MACC1: variants seen among roughly 807,000 people sequenced by gnomAD.
The protein encoded by MACC1 is MET transcriptional regulator MACC1, also known as metastasis-associated in colon cancer protein 1.
MACC1 carries 79 observed loss-of-function variants against 70.7 expected under a neutral mutation model. The observed-to-expected ratio is 1.12, with a 90% confidence interval of 0.93 to 1.35. MACC1 has a LOEUF of 1.35. MACC1 is among the 40% of genes most tolerant of loss of function. MACC1 has a pLI of 0.00. For missense variants in MACC1, 1,106 were observed against 978.1 expected (o/e 1.13, Z -1.74); for synonymous variants, 361 against 347.2 (o/e 1.04, Z -0.44).
At chr7:20,203,574 A>C (rs938855660) in intron 1 of MACC1, among the ~76,000 whole-genome samples, 1 of 152,144 alleles carries the variant, frequency 6.6e-6, no homozygotes, top group Non-Finnish European at 1.5e-5. Context: ...GCTTTCCTGG[A>C]ATGTGCAATG....
chr7:20,207,574 A>G (rs779419928), intron 1 of MACC1, among the ~76,000 whole-genome samples: 1 of 152,236 alleles, frequency 6.6e-6, no homozygotes, highest in Admixed American at 6.5e-5. Flanking sequence ...GATATGTCCT[A>G]GGATTTTTGA....
intron 1 of MACC1, among the ~76,000 whole-genome samples, chr7:20,184,533 GA>G (rs1236832735): frequency 6.6e-6 from 1 of 152,118 alleles, no homozygotes; most frequent in African/African-American, 2.4e-5. Flanking sequence ...AAGCAGCAAA[GA>G]ATTGTTATAA....
chr7:20,157,577 A>G (rs1782072868), intron 5 of MACC1, among the ~76,000 whole-genome samples: 1 of 151,182 alleles, frequency 6.6e-6, no homozygotes, highest in Non-Finnish European at 1.5e-5. Flanking sequence ...TGAGGCCAGG[A>G]GTTCAAGAGC....
At chr7:20,175,431 T>TA (rs1782376089) in intron 1 of MACC1, among the ~76,000 whole-genome samples, 2 of 152,178 alleles carry the variant, frequency 1.3e-5, no homozygotes, top group South Asian at 4.1e-4. Context: ...AAGGCAGATT[T>TA]AAAAAATTGA....
At position 20,211,086 on chromosome 7, in the gene MACC1, T is replaced by G. The variant is rs568327794; in HGVS notation, c.-218+6213A>C. ...GTCTAGAGTCTAAACTTTTAAAAGT[T>G]AAGGACTGTAATAATTTGATGTCTC... On this transcript the variant is annotated intron_variant, in intron 1 of 6. Coordinates refer to ENST00000400331, the MANE Select transcript of MACC1 (RefSeq NM_182762.4). Among the ~76,000 whole-genome samples the G allele has an allele frequency of 3.3e-5, 5 of 152,268 alleles. No individual in the cohort carries two copies. In the South Asian group the frequency reaches 1.0e-3, roughly 32 times the overall value.
Position 20,141,027 on chromosome 7 carries a change from T to C in MACC1, c.2478A>G (p.Arg826=). 6.2e-7 allele frequency: 1 copy of C among 1,614,134 alleles called. No homozygotes were observed. The part of the protein sequence containing the change: ...RMKNPVTKHW[R]ELTGVLILVN... ...CTAGTATTAAAACTCCAGTTAATTC[T>C]CTCCAGTGTTTAGTCACAGGGTTTT... The change falls in exon 7 of 7, where the codon AGA becomes AGG. Residue 826 remains arginine (R), a synonymous_variant. Transcript: ENST00000400331.
At chr7:20,206,680 C>T (rs563005224) in intron 1 of MACC1, among the ~76,000 whole-genome samples, 4 of 152,328 alleles carry the variant, frequency 2.6e-5, no homozygotes, top group Admixed American at 2.6e-4. Flanking sequence ...AACCATTTGG[C>T]CTCCTGACTC....
In MACC1 at chr7:20,134,920, T is replaced by G. The variant is rs1290883263; in HGVS notation, c.*6026A>C. On this transcript the variant is annotated 3_prime_UTR_variant, in exon 7 of 7. Transcript: ENST00000400331. Reference sequence around the variant, plus strand: ...AATCTCAAAGTGAGATGGTTCAGCTTGCCACCTCTTCTCAGTCACCATCTC... The same window carrying G: ...AATCTCAAAGTGAGATGGTTCAGCTGGCCACCTCTTCTCAGTCACCATCTC... 1 of 152,228 alleles carries G rather than the reference T, an allele frequency of 6.6e-6. No homozygotes were observed. 9.4% of individuals were successfully genotyped at this position (152,228 alleles called of 1,614,324 possible). A position where few individuals can be genotyped will look rare whatever the true frequency, so the allele number is the denominator to read the frequency against.
intron 1 of MACC1, among the ~76,000 whole-genome samples, chr7:20,173,363 C>T (rs1782341038): frequency 6.6e-6 from 1 of 152,208 alleles, no homozygotes; most frequent in African/African-American, 2.4e-5. Flanking sequence ...AAATTTACAG[C>T]TCTCTTTCTT....
chr7:20,193,521 C>T (rs1201583757), intron 1 of MACC1, among the ~76,000 whole-genome samples: 1 of 152,206 alleles, frequency 6.6e-6, no homozygotes, highest in Non-Finnish European at 1.5e-5. Flanking sequence ...TTTCAATTCT[C>T]ATTTCTCATC....
At position 20,164,322 on chromosome 7, in the gene MACC1, A is replaced by G. The variant is rs1330963451; in HGVS notation, c.-75T>C. The stretch of plus-strand genomic sequence containing the variant: ...CTGTGACCCCTCCTTCTTTATTGTT[A>G]TACTCTTCTTTCTAATTCTTGATTT... On this transcript the variant is annotated 5_prime_UTR_variant, in exon 3 of 7. Coordinates refer to ENST00000400331, the MANE Select transcript of MACC1 (RefSeq NM_182762.4). The G allele has an allele frequency of 6.6e-6, 1 of 152,022 alleles. No individual in the cohort carries two copies. The highest frequency in any genetic ancestry group is 1.5e-5 in the Non-Finnish European group (1 of 68,004). 9.4% of individuals were successfully genotyped at this position (152,022 alleles called of 1,614,324 possible). A position where few individuals can be genotyped will look rare whatever the true frequency, so the allele number is the denominator to read the frequency against.
intron 5 of MACC1, among the ~76,000 whole-genome samples, chr7:20,154,981 T>G (rs891519722): frequency 5.3e-5 from 8 of 151,778 alleles, no homozygotes; most frequent in Non-Finnish European, 1.0e-4. Context: ...ATAAATTTAT[T>G]AAAAATACTC....
chr7:20,163,504 G>GAT (rs891731050), intron 3 of MACC1, among the ~76,000 whole-genome samples: 6 of 152,164 alleles, frequency 3.9e-5, no homozygotes, highest in African/African-American at 1.4e-4. Context: ...AAATCCCTAG[G>GAT]ATATTCCCCA....
At chr7:20,174,321 T>C (rs185947042) in intron 1 of MACC1, among the ~76,000 whole-genome samples, 29 of 152,236 alleles carry the variant, frequency 1.9e-4, no homozygotes, top group Admixed American at 1.5e-3. Context: ...GGGGAAGGAA[T>C]GTGAGAAGTT....
At chr7:20,211,098 T>A (rs1027229552) in intron 1 of MACC1, among the ~76,000 whole-genome samples, 1 of 152,192 alleles carries the variant, frequency 6.6e-6, no homozygotes, top group African/African-American at 2.4e-5. Context: ...AGGACTGTAA[T>A]AATTTGATGT....
chr7:20,208,461 G>C (rs904683659), intron 1 of MACC1, among the ~76,000 whole-genome samples: 2 of 152,180 alleles, frequency 1.3e-5, no homozygotes, highest in African/African-American at 4.8e-5. Context: ...TAGGGAACTA[G>C]AGTAAAGGTC....
intron 1 of MACC1, among the ~76,000 whole-genome samples, chr7:20,177,606 A>G (rs1782414269): frequency 6.6e-6 from 1 of 151,156 alleles, no homozygotes; most frequent in Non-Finnish European, 1.5e-5. Context: ...TAATATTGCT[A>G]TACAAACTTT....
intron 1 of MACC1, among the ~76,000 whole-genome samples, chr7:20,179,699 T>TG (rs1280517798): frequency 1.4e-4 from 21 of 152,216 alleles, no homozygotes; most frequent in African/African-American, 4.6e-4. Flanking sequence ...TTTTTGTTTT[T>TG]TGTTTTCAAA....
chr7:20,178,512 T>C (rs1457296586), intron 1 of MACC1, among the ~76,000 whole-genome samples: 1 of 152,220 alleles, frequency 6.6e-6, no homozygotes. Context: ...AGGCAGTTTT[T>C]TATCATTCTG....
Sources: gnomAD v4.1 joint callset for allele counts (sites outside exome capture counted in the v4.1 genomes callset) on GRCh38, gnomAD v4.1.1 for gene constraint, MANE v1.5 for transcripts, NCBI Gene and HGNC (gene_info 2026-07-23, HGNC 2026-07-21) for gene names.